MTUS2: variants seen among roughly 807,000 people sequenced by gnomAD.
The protein encoded by MTUS2 is microtubule associated scaffold protein 2, also known as microtubule-associated tumor suppressor candidate 2.
MTUS2 carries 40 observed loss-of-function variants against 114.1 expected under a neutral mutation model. That is an observed-to-expected ratio of 0.35 (90% CI 0.27 to 0.46). The LOEUF (loss-of-function observed/expected upper bound fraction) is 0.46. Among genes scored for constraint, MTUS2 ranks in the 20% least tolerant of loss-of-function variants. The probability of loss-of-function intolerance (pLI) is 1.00; values close to 1 mark genes in which losing one functional copy is unlikely to be tolerated. For synonymous variants in MTUS2, 688 were observed against 672.0 expected, an observed-to-expected ratio of 1.02 and a Z score of -0.37; for missense variants, 1,679 against 1,705.4, an observed-to-expected ratio of 0.98 and a Z score of 0.27.
chr13:29,188,420 A>C (rs1422789895), intron 5 of MTUS2, among the ~76,000 whole-genome samples: 1 of 152,182 alleles, frequency 6.6e-6, no homozygotes, highest in Non-Finnish European at 1.5e-5. Flanking sequence ...ATCAATCCCT[A>C]AATTGTTTAT....
At chr13:29,254,060 G>C (rs144967570) in intron 5 of MTUS2, among the ~76,000 whole-genome samples, 123 of 152,276 alleles carry the variant, frequency 8.1e-4, no homozygotes, top group African/African-American at 2.8e-3. Context: ...TAATAAGCCT[G>C]AAGATGACAT....
rs574395567 is a variant in MTUS2, at chr13:29,412,021, T to C, written c.3118-27962T>C. Among the ~76,000 whole-genome samples the C allele has an allele frequency of 2.4e-4, 36 of 152,346 alleles. No homozygotes were observed. The South Asian group carries it at 7.5e-3, about 32-fold the overall frequency. The stretch of plus-strand genomic sequence containing the variant: ...TTTGTAGTTACATTGTCATATTATG[T>C]AAAAATAGAGACTGTTTTACTTTTT... On this transcript the variant is annotated intron_variant, in intron 8 of 15. Transcript: ENST00000612955.
At chr13:28,929,308 A>G (rs1402902420) in intron 2 of MTUS2, among the ~76,000 whole-genome samples, 2 of 152,184 alleles carry the variant, frequency 1.3e-5, no homozygotes, top group Non-Finnish European at 2.9e-5. Flanking sequence ...GGATAGCTAG[A>G]AGAGAATAAT....
In MTUS2 at chr13:29,386,205, G is replaced by A. The variant is rs369682503; in HGVS notation, c.3117+26732G>A. On this transcript the variant is annotated intron_variant, in intron 8 of 15. Transcript: ENST00000612955. Reference sequence around the variant, plus strand: ...TTATCCTGACACTTGTTAAAACTAAGGTAGACTTTATTCAGGACTATTGTG... The same window carrying A: ...TTATCCTGACACTTGTTAAAACTAAAGTAGACTTTATTCAGGACTATTGTG... 4.4e-4 allele frequency among the ~76,000 whole-genome samples: 67 copies of A among 152,258 alleles called. 1 individual carries two copies. The highest frequency in any genetic ancestry group is 1.6e-3 in the African/African-American group (65 of 41,544).
chr13:29,278,709 C>G (rs1898157277), intron 5 of MTUS2, among the ~76,000 whole-genome samples: 1 of 152,222 alleles, frequency 6.6e-6, no homozygotes, highest in African/African-American at 2.4e-5. Context: ...CCCTGTGTCA[C>G]AGCAGTTTTT....
chr13:28,968,566 A>C (rs1367954104), intron 2 of MTUS2, among the ~76,000 whole-genome samples: 1 of 152,188 alleles, frequency 6.6e-6, no homozygotes, highest in Non-Finnish European at 1.5e-5. Flanking sequence ...ACAGGTTAGA[A>C]CTTGGACTGG....
chr13:29,180,849 G>A (rs1366775835), intron 5 of MTUS2, among the ~76,000 whole-genome samples: 5 of 152,130 alleles, frequency 3.3e-5, no homozygotes, highest in African/African-American at 1.2e-4. Context: ...CTCATGCCCC[G>A]TCTTCTGAAG....
At chr13:28,878,681 A>G (rs986996149) in intron 2 of MTUS2, among the ~76,000 whole-genome samples, 3 of 152,338 alleles carry the variant, frequency 2.0e-5, no homozygotes, top group South Asian at 2.1e-4. Flanking sequence ...TTATGGCTGC[A>G]TAGTATTCTA....
At chr13:28,986,044 T>A (rs927849546) in intron 2 of MTUS2, among the ~76,000 whole-genome samples, 2 of 152,156 alleles carry the variant, frequency 1.3e-5, no homozygotes, top group Non-Finnish European at 2.9e-5. Context: ...CCTTACTTGG[T>A]TTTTCTTCAT....
At chr13:29,440,586 G>T (rs1025267535) in intron 9 of MTUS2, among the ~76,000 whole-genome samples, 10 of 152,114 alleles carry the variant, frequency 6.6e-5, no homozygotes, top group Non-Finnish European at 1.3e-4. Context: ...TGGGGATGTG[G>T]CTTTCACCGT....
chr13:29,324,722 A>G lies in MTUS2; in HGVS notation c.2905+11A>G. On this transcript the variant is annotated intron_variant, in intron 7 of 15. Transcript: ENST00000612955. ...AGCTTCATTCACCAGGTATGTAAGA[A>G]ATATGATGTGTTCCTTGGGGGAATG... is the stretch of plus-strand genomic sequence containing the variant. 6.3e-7 allele frequency: 1 copy of G among 1,579,286 alleles called. No individual in the cohort carries two copies. The highest frequency in any genetic ancestry group is 8.6e-7 in the Non-Finnish European group (1 of 1,158,096).
chr13:28,867,373 G>C (rs956778719), intron 2 of MTUS2, among the ~76,000 whole-genome samples: 1 of 152,092 alleles, frequency 6.6e-6, no homozygotes, highest in Non-Finnish European at 1.5e-5. Flanking sequence ...GAAAAAATAT[G>C]GAGAAGAAGG....
chr13:29,051,538 A>C (rs1370497803), intron 4 of MTUS2, among the ~76,000 whole-genome samples: 3 of 152,170 alleles, frequency 2.0e-5, no homozygotes, highest in Non-Finnish European at 2.9e-5. Flanking sequence ...GTGCCCCAAG[A>C]TGGGCCCCTA....
intron 8 of MTUS2, among the ~76,000 whole-genome samples, chr13:29,407,728 C>T (rs985974622): frequency 9.9e-5 from 15 of 152,084 alleles, no homozygotes; most frequent in East Asian, 3.9e-4. Flanking sequence ...ATTCACCTGC[C>T]GCAGCCTCCC....
chr13:29,106,675 C>G (rs1448513964), intron 5 of MTUS2, among the ~76,000 whole-genome samples: 1 of 152,044 alleles, frequency 6.6e-6, no homozygotes, highest in Non-Finnish European at 1.5e-5. Context: ...TGCTTTTTGC[C>G]TTCTTTTCTG....
intron 2 of MTUS2, among the ~76,000 whole-genome samples, chr13:28,969,446 A>C (rs894305644): frequency 1.1e-4 from 16 of 152,046 alleles, no homozygotes; most frequent in African/African-American, 3.9e-4. Flanking sequence ...GAAACCATGA[A>C]ATATATTATT....
At chr13:29,224,573 G>A (rs189721938) in intron 5 of MTUS2, among the ~76,000 whole-genome samples, 2 of 151,596 alleles carry the variant, frequency 1.3e-5, no homozygotes, top group East Asian at 1.9e-4. Context: ...CCATAATTTG[G>A]GGGTATTTTT....
At chr13:29,007,684 C>A (rs185456022) in intron 2 of MTUS2, among the ~76,000 whole-genome samples, 1 of 152,312 alleles carries the variant, frequency 6.6e-6, no homozygotes, top group Admixed American at 6.5e-5. Context: ...TTGTGATGAT[C>A]CACTTCCATT....
intron 5 of MTUS2, among the ~76,000 whole-genome samples, chr13:29,233,540 G>A (rs778432285): frequency 1.3e-5 from 2 of 152,242 alleles, no homozygotes; most frequent in Admixed American, 6.5e-5. Context: ...ATTACCACTG[G>A]TAGTTAACAG....
Sources: allele counts gnomAD v4.1 joint callset (sites outside exome capture counted in the v4.1 genomes callset), GRCh38; gene constraint gnomAD v4.1.1; transcripts MANE v1.5; gene names NCBI Gene and HGNC (gene_info 2026-07-23, HGNC 2026-07-21).